Variants in UBASH3A observed in about 807,000 individuals in gnomAD.
UBASH3A encodes ubiquitin-associated and SH3 domain-containing protein A.
UBASH3A carries 63 observed loss-of-function variants against 73.5 expected under a neutral mutation model. The observed-to-expected ratio is 0.86, with a 90% CI of 0.70 to 1.06. The LOEUF is 1.06. Ranked by LOEUF, UBASH3A falls within the 50% of genes least tolerant of loss-of-function variation. The pLI is 0.00. For missense variants in UBASH3A, 860 were observed against 859.0 expected (o/e 1.00, Z -0.02); for synonymous variants, 363 against 351.1 (o/e 1.03, Z -0.38).
chr21:42,420,103 T>A (rs1321790234), intron 7 of UBASH3A, among the ~76,000 whole-genome samples: 3 of 152,170 alleles, frequency 2.0e-5, no homozygotes, highest in Non-Finnish European at 2.9e-5. Context: ...GCAGAACCAG[T>A]CACTTTCATA....
At chr21:42,414,744 C>T (rs571790339) in intron 5 of UBASH3A, among the ~76,000 whole-genome samples, 16 of 152,342 alleles carry the variant, frequency 1.1e-4, no homozygotes, top group African/African-American at 3.1e-4. Flanking sequence ...GGACCCTTCC[C>T]AGGAGCTTTC....
chr21:42,423,197 A>G (rs1439088359), intron 7 of UBASH3A, among the ~76,000 whole-genome samples: 2 of 150,982 alleles, frequency 1.3e-5, no homozygotes, highest in Non-Finnish European at 2.9e-5. Context: ...AAACAGACAC[A>G]CATTCAACCA....
At chr21:42,436,975 T>C (rs548617057) in intron 10 of UBASH3A, among the ~76,000 whole-genome samples, 5 of 152,212 alleles carry the variant, frequency 3.3e-5, no homozygotes, top group East Asian at 1.9e-4. Context: ...TGAGTTTTCA[T>C]TGGGAGCTCA....
Position 42,443,137 on chromosome 21 carries a change from T to C in UBASH3A, c.1632-175T>C, listed in dbSNP as rs17114945. The C allele has an allele frequency of 7.5e-3, 10,448 of 1,396,952 alleles. 624 individuals carry two copies. In the African/African-American group the frequency reaches 0.13, roughly 18 times the overall value. 86.5% of individuals were successfully genotyped at this position (1,396,952 alleles called of 1,614,324 possible). On this transcript the variant is annotated intron_variant, in intron 12 of 14. Transcript: ENST00000319294. ...GTAAGAATGTGTGCTGGAGATTGAC[T>C]GTCAGTGCTTTGCCAGTTTTCAGCA...
At chr21:42,414,402 C>A (rs1233463194) in intron 5 of UBASH3A, among the ~76,000 whole-genome samples, 2 of 152,174 alleles carry the variant, frequency 1.3e-5, no homozygotes, top group East Asian at 3.8e-4. Flanking sequence ...CAGGCCCTCC[C>A]CCAGTGAACC....
At chr21:42,405,469 G>A (rs1276431888) in intron 1 of UBASH3A, among the ~76,000 whole-genome samples, 1 of 152,192 alleles carries the variant, frequency 6.6e-6, no homozygotes, top group East Asian at 1.9e-4. Flanking sequence ...ACATGTTGGA[G>A]GAAGAGAAAT....
intron 3 of UBASH3A, among the ~76,000 whole-genome samples, chr21:42,409,864 G>T (rs781082563): frequency 6.6e-6 from 1 of 152,130 alleles, no homozygotes; most frequent in Non-Finnish European, 1.5e-5. Flanking sequence ...GGCAAAAGGA[G>T]TTGCTGCCCA....
chr21:42,412,447 G>A (rs1254030647), intron 3 of UBASH3A, among the ~76,000 whole-genome samples: 4 of 152,200 alleles, frequency 2.6e-5, no homozygotes, highest in Admixed American at 1.3e-4. Context: ...TGCAGGAGAC[G>A]CACAGGGGAG....
chr21:42,424,240 G>T (rs762820453), intron 7 of UBASH3A, among the ~76,000 whole-genome samples: 2 of 151,968 alleles, frequency 1.3e-5, no homozygotes, highest in African/African-American at 2.4e-5. Context: ...ACCTGCAGGC[G>T]CACCAGGAGG....
intron 7 of UBASH3A, among the ~76,000 whole-genome samples, chr21:42,424,001 A>G (rs2053390504): frequency 1.3e-5 from 2 of 152,184 alleles, no homozygotes; most frequent in South Asian, 4.2e-4. Context: ...CTTATTAAAC[A>G]TCTAAAGCTT....
chr21:42,419,171 T>A (rs1601574551), intron 7 of UBASH3A, among the ~76,000 whole-genome samples: 1 of 152,324 alleles, frequency 6.6e-6, no homozygotes, highest in South Asian at 2.1e-4. Flanking sequence ...CAGTTGTTGG[T>A]GGGAGTGATT....
At chr21:42,443,031 C>G in intron 12 of UBASH3A, 4 of 951,142 alleles carry the variant, frequency 4.2e-6, no homozygotes, top group Non-Finnish European at 5.6e-6. Context: ...AGGAGCTGGA[C>G]TGGAGTTTAG....
chr21:42,431,088 A>T (rs1461520970), intron 8 of UBASH3A, among the ~76,000 whole-genome samples: 3 of 151,830 alleles, frequency 2.0e-5, no homozygotes, highest in Non-Finnish European at 4.4e-5. Flanking sequence ...GGCCCCTAGC[A>T]CTCTGCTCTC....
intron 6 of UBASH3A, chr21:42,417,531 G>A (rs2053239385): frequency 6.6e-6 from 1 of 151,934 alleles, no homozygotes; most frequent in Non-Finnish European, 1.5e-5. Context: ...TTAAATGTAG[G>A]GGCCATGCTA....
At chr21:42,443,173 G>A in intron 12 of UBASH3A, 139 bp from the exon 13 acceptor site, 1 of 1,405,186 alleles carries the variant, frequency 7.1e-7, no homozygotes, top group Non-Finnish European at 9.3e-7. Context: ...CAAAACTGGA[G>A]CCTGCCTGTT....
At chr21:42,432,485 C>T (rs2053551579) in intron 9 of UBASH3A, among the ~76,000 whole-genome samples, 2 of 138,780 alleles carry the variant, frequency 1.4e-5, no homozygotes, top group Non-Finnish European at 1.6e-5. Flanking sequence ...GAACATGCCT[C>T]TTGCACACCC....
chr21:42,441,164 C>T (rs527796507), intron 11 of UBASH3A, among the ~76,000 whole-genome samples: 4 of 152,140 alleles, frequency 2.6e-5, no homozygotes, highest in Non-Finnish European at 5.9e-5. Flanking sequence ...TTTACAAGGC[C>T]TCAGACATGA....
At chr21:42,430,795 C>G (rs2053514209) in intron 8 of UBASH3A, among the ~76,000 whole-genome samples, 1 of 152,318 alleles carries the variant, frequency 6.6e-6, no homozygotes, top group East Asian at 1.9e-4. Flanking sequence ...ACATGCTCCC[C>G]CCTGCGGTGC....
At chr21:42,427,404 G>A (rs906217295) in intron 8 of UBASH3A, among the ~76,000 whole-genome samples, 2 of 152,182 alleles carry the variant, frequency 1.3e-5, no homozygotes, top group African/African-American at 4.8e-5. Flanking sequence ...GGAAGGGGCT[G>A]TACCTGCTGC....
Sources: gnomAD v4.1 joint callset for allele counts (sites outside exome capture counted in the v4.1 genomes callset) on GRCh38, gnomAD v4.1.1 for gene constraint, MANE v1.5 for transcripts, NCBI Gene and HGNC (gene_info 2026-07-23, HGNC 2026-07-21) for gene names.